The following SLIT1 variants were observed in gnomAD, a reference collection of about 807,000 sequenced individuals.
SLIT1 encodes slit guidance ligand 1, also known as slit homolog 1 protein.
A neutral mutation model predicts 186.1 loss-of-function variants in SLIT1; 66 were observed. The ratio of observed to expected loss-of-function variants is 0.35; its 90% CI spans 0.29 to 0.44. SLIT1 has a LOEUF of 0.44. Among genes scored for constraint, SLIT1 ranks in the 20% least tolerant of loss-of-function variants. The pLI is 1.00. For missense variants in SLIT1, 1,638 were observed against 2,037.4 expected (o/e 0.80, Z 3.77); for synonymous variants, 761 against 833.8 (o/e 0.91, Z 1.50).
At chr10:97,106,083 T>C (rs1213230387) in intron 4 of SLIT1, among the ~76,000 whole-genome samples, 1 of 152,172 alleles carries the variant, frequency 6.6e-6, no homozygotes, top group Non-Finnish European at 1.5e-5. Context: ...TAACCCCAGT[T>C]TTGTCTGGAG....
chr10:97,173,038 G>T (rs1378295554), intron 1 of SLIT1, among the ~76,000 whole-genome samples: 1 of 152,120 alleles, frequency 6.6e-6, no homozygotes, highest in East Asian at 1.9e-4. Flanking sequence ...ACACGCAGAG[G>T]ATGCTCCCAT....
chr10:97,166,933 C>T (rs1360252689), intron 1 of SLIT1, among the ~76,000 whole-genome samples: 1 of 152,142 alleles, frequency 6.6e-6, no homozygotes, highest in Admixed American at 6.5e-5. Flanking sequence ...ATCTGACCCG[C>T]GGGCCCAGGC....
At chr10:97,065,753 G>T (rs988832168) in intron 5 of SLIT1, 3 of 422,102 alleles carry the variant, frequency 7.1e-6, no homozygotes, top group Admixed American at 3.5e-5. Flanking sequence ...CATTGCCCAC[G>T]CTGATAACAC....
At chr10:97,159,535 C>T (rs1849998603) in intron 3 of SLIT1, among the ~76,000 whole-genome samples, 1 of 152,162 alleles carries the variant, frequency 6.6e-6, no homozygotes, top group Non-Finnish European at 1.5e-5. Context: ...TCTCATTTTT[C>T]TGGCTTCTGC....
intron 35 of SLIT1, 148 bp from the exon 36 acceptor site, chr10:97,002,517 C>T (rs1343547885): frequency 1.3e-6 from 1 of 744,014 alleles, no homozygotes; most frequent in East Asian, 2.8e-5. Flanking sequence ...AAGGGAGTTG[C>T]ATGCGACTAT....
intron 4 of SLIT1, among the ~76,000 whole-genome samples, chr10:97,078,907 C>T (rs1455257205): frequency 6.6e-6 from 1 of 152,230 alleles, no homozygotes; most frequent in Non-Finnish European, 1.5e-5. Flanking sequence ...GCTCCTGTCC[C>T]AGGCACCTAC....
Position 97,049,056 on chromosome 10 carries a change from C to G in SLIT1, c.1364G>C (p.Arg455Pro). 1 of 1,613,544 alleles carries G rather than the reference C, an allele frequency of 6.2e-7. No individual in the cohort carries two copies. Among genetic ancestry groups the G allele is most frequent in the Non-Finnish European group, 8.5e-7 (1 of 1,179,994 alleles). ...CNLKWLADFL[R>P]TNPIETSGAR... ...ACCACTCGTCTCGATGGGATTGGTGCGCAGGAAGTCTGCCAGCCACTTGAG... is the reference window on the plus strand; with the variant it reads ...ACCACTCGTCTCGATGGGATTGGTGGGCAGGAAGTCTGCCAGCCACTTGAG... Residue 455 changes from arginine (R) to proline (P), a missense_variant, in exon 14 of 37, where the codon CGC (arginine) becomes CCC (proline). Physicochemically the swap from Arg to Pro is moderately radical, Grantham distance 103. Around this residue, in one of 3 missense-constraint regions of SLIT1, gnomAD observed 1,245 missense variants for 1,535.3 expected, o/e 0.81. Transcript: ENST00000266058.
chr10:97,048,948 C>T lies in SLIT1; in HGVS notation c.1465+7G>A, dbSNP rs1165051106. ...ACAGGTGGGCAGGTGGGCAGGCGGG[C>T]AGGTACCTGAGCACCGGAACTTCTT... On this transcript the variant is annotated splice_region_variant and intron_variant, in intron 14 of 36. Transcript: ENST00000266058. 6.2e-7 allele frequency: 1 copy of T among 1,604,830 alleles called. No individual in the cohort carries two copies.
At chr10:97,031,576 T>C in intron 24 of SLIT1, 30 bp downstream of exon 24, 1 of 1,539,896 alleles carries the variant, frequency 6.5e-7, no homozygotes, top group South Asian at 1.2e-5. Flanking sequence ...GGGTGGATTT[T>C]CTGGCAGGAT....
intron 4 of SLIT1, among the ~76,000 whole-genome samples, chr10:97,139,718 T>C (rs778189065): frequency 1.3e-5 from 2 of 152,160 alleles, no homozygotes; most frequent in African/African-American, 2.4e-5. Context: ...AGGATTCTCC[T>C]AGAAATGGCG....
chr10:97,176,494 C>CAG (rs1202634625), intron 1 of SLIT1, among the ~76,000 whole-genome samples: 1 of 152,172 alleles, frequency 6.6e-6, no homozygotes, highest in African/African-American at 2.4e-5. Context: ...CTCTCCTGAG[C>CAG]CTGCTCCCCC....
At chr10:97,172,934 GGAGAGA>G (rs72293609) in intron 1 of SLIT1, among the ~76,000 whole-genome samples, 5 of 148,124 alleles carry the variant, frequency 3.4e-5, no homozygotes, top group South Asian at 2.1e-4. Context: ...AAGGAAGGAG[GGAGAGA>G]GAGAGAGAGA....
intron 25 of SLIT1, among the ~76,000 whole-genome samples, chr10:97,027,489 C>G (rs1022430316): frequency 6.6e-6 from 1 of 152,204 alleles, no homozygotes; most frequent in African/African-American, 2.4e-5. Flanking sequence ...TTCTTGATAA[C>G]AACTGAAGGT....
Position 97,184,030 on chromosome 10 carries a change from A to ACACACG in SLIT1, c.197+1447_197+1448insCGTGTG, listed in dbSNP as rs1335311044. ...ACATACACATGCACCACACACACACACACACACACACACACACACACACAC... is the reference window on the plus strand; with the variant it reads ...ACATACACATGCACCACACACACACACACACGCACACACACACACACACACACACAC... On this transcript the variant is annotated intron_variant, in intron 1 of 36. Coordinates refer to ENST00000266058, the MANE Select transcript of SLIT1 (RefSeq NM_003061.3). The surrounding 1 kb of genome is among the most constrained non-coding windows in gnomAD (Gnocchi z 4.4). 2.7e-5 allele frequency among the ~76,000 whole-genome samples: 4 copies of ACACACG among 149,720 alleles called. No homozygotes were observed. The highest frequency in any genetic ancestry group is 2.7e-4 in the Admixed American group (4 of 15,076).
intron 11 of SLIT1, chr10:97,058,023 A>G: frequency 1.4e-6 from 1 of 717,460 alleles, no homozygotes; most frequent in Non-Finnish European, 2.6e-6. Flanking sequence ...TCATTCCTGG[A>G]GTGAGGCACA....
chr10:97,167,516 T>G (rs1390900149), intron 1 of SLIT1, among the ~76,000 whole-genome samples: 1 of 152,256 alleles, frequency 6.6e-6, no homozygotes, highest in Non-Finnish European at 1.5e-5. Flanking sequence ...TATTGCTTGG[T>G]TGAATTCAGC....
At chr10:97,024,985 G>A (rs1848532644) in intron 25 of SLIT1, among the ~76,000 whole-genome samples, 1 of 152,208 alleles carries the variant, frequency 6.6e-6, no homozygotes, top group Non-Finnish European at 1.5e-5. Flanking sequence ...AAATATGGGT[G>A]CAGGCCAGGA....
chr10:97,063,648 A>T (rs368847733), intron 7 of SLIT1, 30 bp from the exon 8 acceptor site: 6 of 1,561,714 alleles, frequency 3.8e-6, no homozygotes, highest in Non-Finnish European at 5.2e-6. Flanking sequence ...CTCACAACCC[A>T]TCTGGATCCC....
intron 4 of SLIT1, among the ~76,000 whole-genome samples, chr10:97,149,728 T>A (rs972468484): frequency 2.6e-5 from 4 of 152,138 alleles, no homozygotes; most frequent in African/African-American, 4.8e-5. Context: ...GTATGTGGGT[T>A]TGGGGTCAGG....
Sources: allele counts gnomAD v4.1 joint callset (sites outside exome capture counted in the v4.1 genomes callset), GRCh38; gene constraint gnomAD v4.1.1; regional missense constraint gnomAD v4.1.1; non-coding constraint Gnocchi (gnomAD v3.1); transcripts MANE v1.5; gene names NCBI Gene and HGNC (gene_info 2026-07-23, HGNC 2026-07-21).